The following ENG variants were observed in gnomAD, a reference collection of about 807,000 sequenced individuals.
ENG encodes the protein CD105 antigen.
In ENG, 17 loss-of-function variants were observed where a neutral mutation model predicts 71.0. That is an observed-to-expected ratio of 0.24 (90% CI 0.16 to 0.36). The LOEUF (loss-of-function observed/expected upper bound fraction) is 0.36, where lower values mean the gene tolerates loss of function less well. Ranked by LOEUF, ENG falls within the 10% of genes least tolerant of loss-of-function variation. The pLI is 1.00. For synonymous variants in ENG, 360 were observed against 366.9 expected (o/e 0.98, Z 0.21); for missense variants, 749 against 868.3 (o/e 0.86, Z 1.73).
intron 1 of ENG, among the ~76,000 whole-genome samples, chr9:127,848,938 AAAC>A (rs557970407): frequency 8.9e-4 from 136 of 152,292 alleles, no homozygotes; most frequent in African/African-American, 3.2e-3. Flanking sequence ...TGGTTTCAGT[AAAC>A]AACCTTTTCC....
chr9:127,821,673 C>T (rs368335218), intron 8 of ENG, among the ~76,000 whole-genome samples: 2 of 151,288 alleles, frequency 1.3e-5, no homozygotes, highest in African/African-American at 4.8e-5. Flanking sequence ...GTCAGGAGTT[C>T]GAGACCAGCC....
rs150566847 is a variant in ENG, at chr9:127,816,037, G to T, written c.1758C>A (p.Gly586=). The change falls in exon 14 of 15, where the codon GGC becomes GGA. Residue 586 remains glycine (G), a synonymous_variant. Transcript: ENST00000373203. ...SPDLSGCTSK[G]LVLPAVLGIT... Reference sequence around the variant, plus strand: ...TGCCCAGCACGGCGGGCAGGACGAGGCCTTTGCTTGTGCAACCTAGAGAGG... The same window carrying T: ...TGCCCAGCACGGCGGGCAGGACGAGTCCTTTGCTTGTGCAACCTAGAGAGG... 1 of 1,610,240 alleles carries T rather than the reference G, an allele frequency of 6.2e-7. No individual in the cohort carries two copies. The highest frequency in any genetic ancestry group is 2.2e-5 in the East Asian group (1 of 44,796).
Position 127,824,211 on chromosome 9 carries a change from C to A in ENG, c.1134+93G>T. On this transcript the variant is annotated intron_variant, in intron 8 of 14. Coordinates refer to ENST00000373203, the MANE Select transcript of ENG (RefSeq NM_001114753.3). ...GGCTTGCAGAGGGACGTGACTTGCC[C>A]CCCTGCCTGGGCTAGGACCCCAAGA... is the stretch of plus-strand genomic sequence containing the variant. 5 of 1,592,518 alleles carry A rather than the reference C, an allele frequency of 3.1e-6. No homozygotes were observed. The Admixed American group carries it at 6.7e-5, about 21-fold the overall frequency.
At position 127,818,870 on chromosome 9, in the gene ENG, G is replaced by A. The variant is rs201640809; in HGVS notation, c.1312-38C>T. The A allele has an allele frequency of 1.5e-4, 246 of 1,600,126 alleles. 1 individual carries two copies. The East Asian group carries it at 3.4e-3, about 22-fold the overall frequency. Reference sequence around the variant, plus strand: ...GGGAGGGAGACTTGGTCAATCTGGCGGCGCCAGCCAGGAGGGCGAGGGGTG... The same window carrying A: ...GGGAGGGAGACTTGGTCAATCTGGCAGCGCCAGCCAGGAGGGCGAGGGGTG... On this transcript the variant is annotated intron_variant, in intron 10 of 14. Transcript: ENST00000373203.
chr9:127,829,547 G>A, intron 3 of ENG, 140 bp downstream of exon 3: 1 of 1,176,304 alleles, frequency 8.5e-7, no homozygotes, highest in Non-Finnish European at 1.2e-6. Flanking sequence ...TCACCAGGCA[G>A]GACCCTGGTG....
intron 2 of ENG, among the ~76,000 whole-genome samples, chr9:127,830,230 C>G (rs1228258626): frequency 1.3e-5 from 2 of 150,254 alleles, no homozygotes; most frequent in South Asian, 2.1e-4. Context: ...TAATCTCAGC[C>G]ACTGGGGAGG....
chr9:127,845,056 AATGT>A (rs1464513020), intron 1 of ENG, among the ~76,000 whole-genome samples: 1 of 152,224 alleles, frequency 6.6e-6, no homozygotes, highest in Non-Finnish European at 1.5e-5. Context: ...CGTCCTGAGG[AATGT>A]GCCGGGGGAA....
At chr9:127,841,803 C>T (rs950492976) in intron 2 of ENG, among the ~76,000 whole-genome samples, 11 of 152,200 alleles carry the variant, frequency 7.2e-5, no homozygotes, top group East Asian at 1.9e-4. Context: ...CTGAGATCCA[C>T]GTGGGGAACC....
Position 127,825,679 on chromosome 9 carries a change from GGGGCGA to G in ENG, c.689+10_689+15del. On this transcript the variant is annotated intron_variant, in intron 5 of 14. Transcript: ENST00000373203. ...CGGGGTGGGGACTAGTGTCAGGGGC[GGGGCGA>G]GAGCCATACCCGGCCGAGTGGCCCG... The G allele has an allele frequency of 1.3e-6, 2 of 1,552,470 alleles. No homozygotes were observed. The highest frequency in any genetic ancestry group is 1.7e-6 in the Non-Finnish European group (2 of 1,153,536).
At chr9:127,827,081 G>T (rs776570555) in intron 3 of ENG, 3 of 203,118 alleles carry the variant, frequency 1.5e-5, no homozygotes, top group Non-Finnish European at 2.0e-5. Context: ...CACGTAGTAC[G>T]CACTGAGAGA....
chr9:127,854,194 T>C (rs1458528978), intron 1 of ENG, 95 bp downstream of exon 1: 21 of 1,329,048 alleles, frequency 1.6e-5, no homozygotes, highest in Non-Finnish European at 2.2e-5. Context: ...CTGCTGGGCG[T>C]GAGCTCAGGA....
Position 127,836,495 on chromosome 9 carries a change from C to G in ENG, c.219+6599G>C, listed in dbSNP as rs1419678176. ...CTCAGGGCTGCCTGCAGCCCCCACC[C>G]TCCCAGGGCCTGACTGGAGGCGGTC... On this transcript the variant is annotated intron_variant, in intron 2 of 14. Transcript: ENST00000373203. This position sits in a 1 kb window ranked among gnomAD's most constrained non-coding sequence, Gnocchi z 4.0. Among the ~76,000 whole-genome samples the G allele has an allele frequency of 6.6e-6, 1 of 152,250 alleles. No homozygotes were observed. The highest frequency in any genetic ancestry group is 1.5e-5 in the Non-Finnish European group (1 of 68,046).
In ENG at chr9:127,845,630, C is replaced by T. The variant is rs72616669; in HGVS notation, c.68-2385G>A. Among the ~76,000 whole-genome samples the T allele has an allele frequency of 2.9e-4, 44 of 152,346 alleles. No homozygotes were observed. The East Asian group carries it at 6.2e-3, about 21-fold the overall frequency. ...CTTCAATACCTGGTCTATAAAATGA[C>T]AACAGAGCCCACATGATCCACAGAG... On this transcript the variant is annotated intron_variant, in intron 1 of 14. Coordinates refer to ENST00000373203, the MANE Select transcript of ENG (RefSeq NM_001114753.3).
intron 3 of ENG, 57 bp from the exon 4 acceptor site, chr9:127,826,729 C>T: frequency 1.2e-6 from 2 of 1,602,282 alleles, no homozygotes; most frequent in Non-Finnish European, 1.7e-6. Flanking sequence ...CCTCTCTATC[C>T]CATGTAGGAG....
In ENG at chr9:127,838,091, C is replaced by G. The variant is rs1830946856; in HGVS notation, c.219+5003G>C. Reference sequence around the variant, plus strand: ...ACAGCTCAGCCCGGATACCCAAACTCCACCATGCCTGCCTCCCCAAGTAGC... The same window carrying G: ...ACAGCTCAGCCCGGATACCCAAACTGCACCATGCCTGCCTCCCCAAGTAGC... On this transcript the variant is annotated intron_variant, in intron 2 of 14. Transcript: ENST00000373203. The surrounding 1 kb of genome is among the most constrained non-coding windows in gnomAD (Gnocchi z 4.3). Among the ~76,000 whole-genome samples the G allele has an allele frequency of 2.0e-5, 3 of 152,228 alleles. No individual in the cohort carries two copies. The highest frequency in any genetic ancestry group is 4.8e-5 in the African/African-American group (2 of 41,450).
At chr9:127,833,286 C>G (rs1830811035) in intron 2 of ENG, among the ~76,000 whole-genome samples, 1 of 152,050 alleles carries the variant, frequency 6.6e-6, no homozygotes, top group African/African-American at 2.4e-5. Context: ...CTTTGGGAGG[C>G]TGAGGTGAGC....
Position 127,825,341 on chromosome 9 carries a change from C to T in ENG, c.706G>A (p.Val236Met), listed in dbSNP as rs754136153. 3.7e-6 allele frequency: 6 copies of T among 1,610,266 alleles called. No homozygotes were observed. In the South Asian group the frequency reaches 5.5e-5, roughly 15 times the overall value. Residue 236 changes from valine to methionine, a missense_variant, in exon 6 of 15, where the codon GTG becomes ATG. Transcript: ENST00000373203. ...GHSAGPRTVT[V>M]KVELSCAPGD... ...GGTGCGCAGCTCAGTTCCACCTTCA[C>T]CGTCACCGTCCGGGGCCTGCGGGGA... is the stretch of plus-strand genomic sequence containing the variant.
intron 2 of ENG, among the ~76,000 whole-genome samples, chr9:127,840,569 G>A (rs1163429083): frequency 6.6e-6 from 1 of 152,180 alleles, no homozygotes; most frequent in East Asian, 1.9e-4. Context: ...AGGCCCCTGG[G>A]CCAGGTTCTG....
intron 2 of ENG, 114 bp downstream of exon 2, chr9:127,842,979 GC>G: frequency 6.7e-7 from 1 of 1,496,490 alleles, no homozygotes; most frequent in South Asian, 1.1e-5. Context: ...TTGGCAGGGG[GC>G]CTAACGAGGA....
Sources: allele counts gnomAD v4.1 joint callset (sites outside exome capture counted in the v4.1 genomes callset), GRCh38; gene constraint gnomAD v4.1.1; non-coding constraint Gnocchi (gnomAD v3.1); transcripts MANE v1.5; gene names NCBI Gene and HGNC (gene_info 2026-07-23, HGNC 2026-07-21).